The following RABL3 variants were observed in gnomAD, a reference collection of about 807,000 sequenced individuals.
RABL3 encodes rab-like protein 3.
Under a neutral mutation model 31.8 loss-of-function variants are expected in RABL3, and 31 were observed. That is an observed-to-expected ratio of 0.97 (90% CI 0.73 to 1.31). The LOEUF (loss-of-function observed/expected upper bound fraction) is 1.31. RABL3 is among the 40% of genes most tolerant of loss of function. The pLI is 0.00. For synonymous variants in RABL3, 97 were observed against 99.9 expected (o/e 0.97, Z 0.18); for missense variants, 263 against 279.6 (o/e 0.94, Z 0.42).
intron 4 of RABL3, among the ~76,000 whole-genome samples, chr3:120,703,038 A>C (rs183088039): frequency 1.3e-5 from 2 of 152,326 alleles, no homozygotes; most frequent in African/African-American, 4.8e-5. Context: ...AAAGTATGGC[A>C]GAGACTGTAG....
intron 2 of RABL3, among the ~76,000 whole-genome samples, chr3:120,721,351 G>C (rs1423402695): frequency 4.6e-5 from 7 of 152,198 alleles, no homozygotes; most frequent in Admixed American, 4.6e-4. Flanking sequence ...ACCTTAAATT[G>C]TAAGTGGGCT....
At chr3:120,730,112 T>C (rs1708865147) in intron 2 of RABL3, among the ~76,000 whole-genome samples, 1 of 152,010 alleles carries the variant, frequency 6.6e-6, no homozygotes, top group Non-Finnish European at 1.5e-5. Flanking sequence ...AGAAGGAAAA[T>C]AACTATCAAT....
At chr3:120,694,468 C>G (rs1708413960) in intron 5 of RABL3, among the ~76,000 whole-genome samples, 2 of 151,984 alleles carry the variant, frequency 1.3e-5, no homozygotes, top group South Asian at 4.1e-4. Flanking sequence ...TATTCATCAT[C>G]AAATAATTCA....
In RABL3 at chr3:120,690,441, A is replaced by G. The variant is rs945889697; in HGVS notation, c.645+8T>C. On this transcript the variant is annotated splice_region_variant and intron_variant, in intron 7 of 7. Transcript: ENST00000273375. ...AGAATCTATTTTATCAAGAAAAGAG[A>G]TACCAACCTGATTACCTTCTCTTAA... 1.3e-6 allele frequency: 2 copies of G among 1,551,900 alleles called. No homozygotes were observed. Among genetic ancestry groups the G allele is most frequent in the African/African-American group, 2.7e-5 (2 of 73,644 alleles).
chr3:120,740,963 C>T (rs1049880353), intron 1 of RABL3, among the ~76,000 whole-genome samples: 1 of 152,162 alleles, frequency 6.6e-6, no homozygotes, highest in African/African-American at 2.4e-5. Context: ...GCATTAATTC[C>T]ACAGTTATAA....
At chr3:120,706,896 C>A (rs1425724282) in intron 3 of RABL3, among the ~76,000 whole-genome samples, 3 of 151,988 alleles carry the variant, frequency 2.0e-5, no homozygotes. Context: ...TAAAATACAA[C>A]TGAAGAGAAT....
intron 5 of RABL3, among the ~76,000 whole-genome samples, chr3:120,695,330 C>T (rs1708425744): frequency 6.6e-6 from 1 of 152,004 alleles, no homozygotes; most frequent in Admixed American, 6.6e-5. Context: ...TCACAGAGTA[C>T]TAGAAATTAG....
chr3:120,692,266 T>A (rs972901678), intron 6 of RABL3, among the ~76,000 whole-genome samples: 1 of 152,076 alleles, frequency 6.6e-6, no homozygotes, highest in Non-Finnish European at 1.5e-5. Flanking sequence ...TGGTGCGATC[T>A]CGGCTCACTG....
rs1268652570 is a variant in RABL3, at chr3:120,687,651, A to AT, written c.*2171dup. 1 of 152,072 alleles carries AT rather than the reference A, an allele frequency of 6.6e-6. No homozygotes were observed. The highest frequency in any genetic ancestry group is 1.5e-5 in the Non-Finnish European group (1 of 68,002). The allele number at this position is 152,072 out of a possible 1,614,324, so 9.4% of individuals were successfully genotyped here. ...AATTTACCTTAGATTATTAAAAACT[A>AT]TTTTTTCTTAGAAAACTATAATTCA... On this transcript the variant is annotated 3_prime_UTR_variant, in exon 8 of 8. Coordinates refer to ENST00000273375, the MANE Select transcript of RABL3 (RefSeq NM_173825.5).
At chr3:120,740,867 G>A (rs1709033261) in intron 1 of RABL3, among the ~76,000 whole-genome samples, 1 of 152,156 alleles carries the variant, frequency 6.6e-6, no homozygotes, top group Non-Finnish European at 1.5e-5. Context: ...CCATAACAGG[G>A]GAGGCGGGCA....
intron 2 of RABL3, among the ~76,000 whole-genome samples, chr3:120,720,775 A>G (rs1248661693): frequency 2.6e-5 from 4 of 152,266 alleles, no homozygotes; most frequent in African/African-American, 9.6e-5. Flanking sequence ...GATATTATCT[A>G]GGAGAACTTC....
At chr3:120,724,185 A>T (rs2107591267) in intron 2 of RABL3, among the ~76,000 whole-genome samples, 1 of 152,320 alleles carries the variant, frequency 6.6e-6, no homozygotes, top group South Asian at 2.1e-4. Context: ...ATCATGAGTG[A>T]ACTCCCATTC....
intron 5 of RABL3, 78 bp from the exon 6 acceptor site, chr3:120,694,302 C>A: frequency 1.1e-6 from 1 of 901,998 alleles, no homozygotes; most frequent in Non-Finnish European, 1.8e-6. Flanking sequence ...TATCCTGTTG[C>A]ATATTTCTGT....
chr3:120,720,022 T>C (rs1364844039), intron 2 of RABL3, among the ~76,000 whole-genome samples: 4 of 152,164 alleles, frequency 2.6e-5, no homozygotes, highest in Non-Finnish European at 5.9e-5. Flanking sequence ...ACATTTGCTG[T>C]TCACCAATAT....
In RABL3 at chr3:120,687,867, A is replaced by T. The variant is rs1414443236; in HGVS notation, c.*1956T>A. ...GCTGGAGTGCAGTGACACGATCTTG[A>T]CTCACTGCAACCTCCACCTCCCAGG... On this transcript the variant is annotated 3_prime_UTR_variant, in exon 8 of 8. Transcript: ENST00000273375. The T allele has an allele frequency of 6.6e-6, 1 of 151,554 alleles. No individual in the cohort carries two copies. The highest frequency in any genetic ancestry group is 2.1e-4 in the South Asian group (1 of 4,806). 9.4% of individuals were successfully genotyped at this position (151,554 alleles called of 1,614,324 possible).
At chr3:120,728,461 T>A (rs1035241928) in intron 2 of RABL3, among the ~76,000 whole-genome samples, 1 of 152,168 alleles carries the variant, frequency 6.6e-6, no homozygotes, top group African/African-American at 2.4e-5. Flanking sequence ...TTTCACAGAA[T>A]CGGAGCTAGA....
At chr3:120,709,753 TA>T in intron 3 of RABL3, 26 bp downstream of exon 3, 1 of 1,549,812 alleles carries the variant, frequency 6.5e-7, no homozygotes, top group Non-Finnish European at 8.9e-7. Flanking sequence ...ACCATTAATA[TA>T]AGATAGAAAT....
intron 4 of RABL3, among the ~76,000 whole-genome samples, chr3:120,704,037 T>C (rs1708522177): frequency 6.6e-6 from 1 of 152,102 alleles, no homozygotes; most frequent in African/African-American, 2.4e-5. Context: ...GAGGAAGGAA[T>C]ACTTCCAATT....
intron 2 of RABL3, among the ~76,000 whole-genome samples, chr3:120,719,687 A>G (rs987508907): frequency 6.6e-6 from 1 of 152,176 alleles, no homozygotes; most frequent in African/African-American, 2.4e-5. Flanking sequence ...TGAGTAGGTA[A>G]ACAAAGCAGC....
Sources: gnomAD v4.1 joint callset for allele counts (sites outside exome capture counted in the v4.1 genomes callset) on GRCh38, gnomAD v4.1.1 for gene constraint, MANE v1.5 for transcripts, NCBI Gene and HGNC (gene_info 2026-07-23, HGNC 2026-07-21) for gene names.